Variants in ALPK1 observed in about 807,000 individuals in gnomAD.
The protein encoded by ALPK1 is alpha kinase 1, also known as alpha-protein kinase 1.
A neutral mutation model predicts 120.6 loss-of-function variants in ALPK1; 110 were observed. That is an observed-to-expected ratio of 0.91 (90% CI 0.78 to 1.07). The LOEUF (loss-of-function observed/expected upper bound fraction) is 1.07. Ranked by LOEUF, ALPK1 falls within the 50% of genes least tolerant of loss-of-function variation. The probability of loss-of-function intolerance (pLI) is 0.00; values close to 1 mark genes in which losing one functional copy is unlikely to be tolerated. For synonymous variants in ALPK1, 582 were observed against 560.3 expected (o/e 1.04, Z -0.55); for missense variants, 1,498 against 1,483.9 (o/e 1.01, Z -0.16).
Position 112,426,521 on chromosome 4 carries a change from C to T in ALPK1, c.677C>T (p.Ala226Val). ...TGGGCCTCCATTGTAGGATATTTGG[C>T]ACTTCCTCAGCCGGATAAAAAGGTG... Reference protein sequence around the residue: ...LIWASIVGYLALPQPDKKGLS... With the variant: ...LIWASIVGYLVLPQPDKKGLS... The change falls in exon 8 of 16, where the codon GCA becomes GTA. Residue 226 changes from alanine (A) to valine (V), a missense_variant. By Grantham distance (64) the Ala-to-Val change is moderately conservative. Coordinates refer to ENST00000650871, the MANE Select transcript of ALPK1 (RefSeq NM_025144.4). 4 of 1,581,464 alleles carry T rather than the reference C, an allele frequency of 2.5e-6. No homozygotes were observed. Among genetic ancestry groups the T allele is most frequent in the Middle Eastern group, 1.7e-4 (1 of 5,912 alleles).
Position 112,440,962 on chromosome 4 carries a change from C to A in ALPK1, c.3584C>A (p.Pro1195His), listed in dbSNP as rs1400103964. 6 of 1,613,584 alleles carry A rather than the reference C, an allele frequency of 3.7e-6. No homozygotes were observed. Among genetic ancestry groups the A allele is most frequent in the South Asian group, 1.1e-5 (1 of 91,066 alleles). ...AAAGGACTCATCTACCTCACAGATC[C>A]CCAGATTCACTCCGTTGATCAGAAA... ...NGKGLIYLTDPQIHSVDQKVF... is the reference protein window; with the variant it reads ...NGKGLIYLTDHQIHSVDQKVF... Residue 1195 changes from proline (P) to histidine (H), a missense_variant, in exon 15 of 16, where the codon CCC becomes CAC. Coordinates refer to ENST00000650871, the MANE Select transcript of ALPK1 (RefSeq NM_025144.4).
chr4:112,375,586 C>T (rs1255928107), intron 2 of ALPK1, among the ~76,000 whole-genome samples: 1 of 152,138 alleles, frequency 6.6e-6, no homozygotes, highest in East Asian at 1.9e-4. Context: ...GAGTTGAAGA[C>T]AGATGGGGCC....
chr4:112,322,362 TC>T (rs1463942572), intron 2 of ALPK1, among the ~76,000 whole-genome samples: 3 of 152,210 alleles, frequency 2.0e-5, no homozygotes, highest in Non-Finnish European at 4.4e-5. Context: ...ACAAAAGGCA[TC>T]TTACCTTCTT....
chr4:112,366,759 G>A (rs1175347403), intron 2 of ALPK1, among the ~76,000 whole-genome samples: 3 of 152,174 alleles, frequency 2.0e-5, no homozygotes, highest in Non-Finnish European at 4.4e-5. Context: ...CATGTTTATA[G>A]CAGCACAATT....
chr4:112,358,647 G>A, intron 2 of ALPK1: 2 of 708,922 alleles, frequency 2.8e-6, no homozygotes, highest in East Asian at 2.6e-5. Context: ...CGAGGAGCAG[G>A]CCCACAGGTG....
intron 2 of ALPK1, among the ~76,000 whole-genome samples, chr4:112,346,167 T>A (rs1467932919): frequency 6.6e-6 from 1 of 152,230 alleles, no homozygotes; most frequent in African/African-American, 2.4e-5. Flanking sequence ...CCAGCTGATA[T>A]GAACTCTTTT....
Position 112,377,664 on chromosome 4 carries a change from CT to C in ALPK1, c.-100-10del. ...GCTTCAGTTAATCATCTTTCCCTCT[CT>C]TTTGTTCACCAGGTACTTCGGCCTT... On this transcript the variant is annotated splice_polypyrimidine_tract_variant and intron_variant, in intron 2 of 15. Transcript: ENST00000650871. The C allele has an allele frequency of 1.9e-6, 2 of 1,033,190 alleles. No individual in the cohort carries two copies. The highest frequency in any genetic ancestry group is 2.7e-6 in the Non-Finnish European group (2 of 741,286). The allele number at this position is 1,033,190 out of a possible 1,614,324, so 64.0% of individuals were successfully genotyped here.
chr4:112,431,408 T>C lies in ALPK1; in HGVS notation c.1861T>C (p.Cys621Arg). ...CAAAGAACATCTGGTGGACACTCAG[T>C]GTTCCACTGCCTTGTCTGAGGAGCT... Reference protein sequence around the residue: ...PGKEHLVDTQCSTALSEELEN... With the variant: ...PGKEHLVDTQRSTALSEELEN... Residue 621 changes from cysteine to arginine, a missense_variant, in exon 11 of 16, where the codon TGT becomes CGT. Physicochemically the swap from Cys to Arg is radical, Grantham distance 180. Coordinates refer to ENST00000650871, the MANE Select transcript of ALPK1 (RefSeq NM_025144.4). 2 of 1,614,196 alleles carry C rather than the reference T, an allele frequency of 1.2e-6. No individual in the cohort carries two copies. Among genetic ancestry groups the C allele is most frequent in the Non-Finnish European group, 1.7e-6 (2 of 1,180,032 alleles).
intron 2 of ALPK1, among the ~76,000 whole-genome samples, chr4:112,373,547 A>G (rs1034360775): frequency 3.3e-5 from 5 of 152,212 alleles, no homozygotes; most frequent in African/African-American, 4.8e-5. Context: ...CCTCAAAGAT[A>G]TTGTGGATTC....
chr4:112,373,374 A>G (rs967388070), intron 2 of ALPK1, among the ~76,000 whole-genome samples: 1 of 152,248 alleles, frequency 6.6e-6, no homozygotes, highest in Non-Finnish European at 1.5e-5. Flanking sequence ...TTCTTTTCCT[A>G]GGTAGGCAGG....
chr4:112,380,921 C>T (rs963993709), intron 3 of ALPK1, among the ~76,000 whole-genome samples: 3 of 152,222 alleles, frequency 2.0e-5, no homozygotes, highest in South Asian at 2.1e-4. Flanking sequence ...TCAGAGCAGG[C>T]GCTCAATTCC....
chr4:112,388,623 CAAA>C lies in ALPK1; in HGVS notation c.276+6084_276+6086del, dbSNP rs11409574. ...AGCAGAAATCTTTTTCATCAAGTTG[CAAA>C]AAAAAAAAAAAACACAAAGTGTAGA... On this transcript the variant is annotated intron_variant, in intron 4 of 15. Transcript: ENST00000650871. 1.9e-3 allele frequency among the ~76,000 whole-genome samples: 239 copies of C among 128,672 alleles called. 2 individuals are homozygous for C. The highest frequency in any genetic ancestry group is 6.1e-3 in the African/African-American group (212 of 34,958). 84.4% of individuals were successfully genotyped at this position (128,672 alleles called of 152,430 possible).
intron 2 of ALPK1, chr4:112,357,201 C>T (rs781187748): frequency 1.1e-4 from 163 of 1,550,046 alleles, no homozygotes; most frequent in Non-Finnish European, 1.0e-4. Flanking sequence ...GCCCAGAGCA[C>T]GTTTCAGACC....
rs1734563263 is a variant in ALPK1, at chr4:112,431,710, T to G, written c.2163T>G (p.Ser721=). The part of the protein sequence containing the change: ...AHSRPSYRSA[S]WSSDSGRPKN... The stretch of plus-strand genomic sequence containing the variant: ...CCAGACCCTCATATCGTTCTGCTTC[T>G]TGGTCTTCTGATTCTGGTAGGCCCA... Residue 721 remains serine, a synonymous_variant, in exon 11 of 16, where the codon TCT becomes TCG. Transcript: ENST00000650871. 3 of 1,614,122 alleles carry G rather than the reference T, an allele frequency of 1.9e-6. No homozygotes were observed. The highest frequency in any genetic ancestry group is 2.5e-6 in the Non-Finnish European group (3 of 1,180,052).
intron 2 of ALPK1, chr4:112,357,172 C>T: frequency 6.5e-7 from 1 of 1,538,262 alleles, no homozygotes; most frequent in Non-Finnish European, 8.9e-7. Flanking sequence ...GGAGCTACAT[C>T]TTTGAGCTGT....
At chr4:112,359,198 A>G in intron 2 of ALPK1, 1 of 599,428 alleles carries the variant, frequency 1.7e-6, no homozygotes, top group East Asian at 3.3e-5. Flanking sequence ...CCCCCACAGG[A>G]GACCCTGGCA....
chr4:112,319,205 A>G (rs1181112367), intron 2 of ALPK1, among the ~76,000 whole-genome samples: 2 of 152,180 alleles, frequency 1.3e-5, no homozygotes, highest in Non-Finnish European at 2.9e-5. Flanking sequence ...AGCAAAGACC[A>G]TACTTATGAG....
intron 2 of ALPK1, among the ~76,000 whole-genome samples, chr4:112,319,284 C>T (rs1340239098): frequency 6.6e-6 from 1 of 152,104 alleles, no homozygotes; most frequent in African/African-American, 2.4e-5. Context: ...GAGAACATGA[C>T]CAAAGACTTT....
At chr4:112,317,921 G>A (rs1377515054) in intron 2 of ALPK1, among the ~76,000 whole-genome samples, 1 of 152,062 alleles carries the variant, frequency 6.6e-6, no homozygotes, top group East Asian at 1.9e-4. Flanking sequence ...CTACATAAAG[G>A]AAATGTACAA....
Sources: allele counts gnomAD v4.1 joint callset (sites outside exome capture counted in the v4.1 genomes callset), GRCh38; gene constraint gnomAD v4.1.1; transcripts MANE v1.5; gene names NCBI Gene and HGNC (gene_info 2026-07-23, HGNC 2026-07-21).